The following ADGRG4 variants were observed in gnomAD, a reference collection of about 807,000 sequenced individuals.
ADGRG4 encodes G protein-coupled receptor 112.
A neutral mutation model predicts 126.2 loss-of-function variants in ADGRG4; 122 were observed. The ratio of observed to expected loss-of-function variants is 0.97; its 90% CI spans 0.83 to 1.12. The LOEUF (loss-of-function observed/expected upper bound fraction) is 1.12, where lower values mean the gene tolerates loss of function less well. ADGRG4 is among the 50% of genes most tolerant of loss of function. ADGRG4 has a pLI of 0.00. For missense variants in ADGRG4, 2,481 were observed against 2,251.8 expected (o/e 1.10, Z -2.06); for synonymous variants, 943 against 838.7 (o/e 1.12, Z -2.15).
Position 136,384,299 on chromosome X carries a change from T to A in ADGRG4, c.7777-3441T>A, listed in dbSNP as rs1481248302. Among the ~76,000 whole-genome samples the A allele has an allele frequency of 2.7e-5, 3 of 111,382 alleles. No homozygotes were observed. In the South Asian group the frequency reaches 1.1e-3, roughly 42 times the overall value. On this transcript the variant is annotated intron_variant, in intron 15 of 25. Coordinates refer to ENST00000394143, the MANE Select transcript of ADGRG4 (RefSeq NM_153834.4). ...CTACTTAGAGTTAATATTGTACTGC[T>A]TCATGTAAAATGTAGAAACTTTAAA... is the stretch of plus-strand genomic sequence containing the variant.
intron 13 of ADGRG4, among the ~76,000 whole-genome samples, chrX:136,370,622 T>A (rs1445968659): frequency 8.9e-6 from 1 of 112,051 alleles, no homozygotes; most frequent in East Asian, 2.8e-4. Context: ...GATATCATAT[T>A]CAGGACTCAC....
chrX:136,342,922 G>GAC (rs2074988588), intron 5 of ADGRG4, among the ~76,000 whole-genome samples: 1 of 76,072 alleles, frequency 1.3e-5, no homozygotes, highest in Non-Finnish European at 2.4e-5. Context: ...GTGTGTGTGT[G>GAC]AGAGAGAGAG....
chrX:136,405,870 C>G lies in ADGRG4; in HGVS notation c.8833C>G (p.Leu2945Val), dbSNP rs1441602996. Residue 2945 changes from leucine (L) to valine (V), a missense_variant, in exon 23 of 26, where the codon CTG (leucine) becomes GTG (valine). Transcript: ENST00000394143. ...GCATGACCTCAAAGGCACAATGAGC[C>G]TGACATTCTTACTTGGCCTCACCTG... ...ILHDLKGTMS[L>V]TFLLGLTWGF... 1.7e-6 allele frequency: 2 copies of G among 1,204,457 alleles called. No homozygotes were observed. The highest frequency in any genetic ancestry group is 4.4e-5 in the Admixed American group (2 of 45,323).
chrX:136,369,932 A>G (rs2075182697), intron 13 of ADGRG4, among the ~76,000 whole-genome samples: 1 of 111,355 alleles, frequency 9.0e-6, no homozygotes, highest in Non-Finnish European at 1.9e-5. Context: ...CTTAATTTAC[A>G]TTGATGAGAA....
At chrX:136,370,631 A>G (rs988865348) in intron 13 of ADGRG4, among the ~76,000 whole-genome samples, 2 of 112,127 alleles carry the variant, frequency 1.8e-5, no homozygotes, top group Middle Eastern at 4.6e-3. Context: ...TTCAGGACTC[A>G]CTTTGAAATA....
At position 136,345,642 on chromosome X, in the gene ADGRG4, G is replaced by T; in HGVS notation, c.1936G>T (p.Ala646Ser). Reference sequence around the variant, plus strand: ...TCCCACATCCACAACTGATGAAGCTGCCCATCTGTTCTCCAGCAATGAGAC... The same window carrying T: ...TCCCACATCCACAACTGATGAAGCTTCCCATCTGTTCTCCAGCAATGAGAC... ...SGPTSTTDEA[A>S]HLFSSNETIW... The change falls in exon 6 of 26, where the codon GCC becomes TCC. Residue 646 changes from alanine to serine, a missense_variant. Ala to Ser is a moderately conservative substitution (Grantham distance 99, BLOSUM62 1). Coordinates refer to ENST00000394143, the MANE Select transcript of ADGRG4 (RefSeq NM_153834.4). 8.3e-7 allele frequency: 1 copy of T among 1,210,553 alleles called. No homozygotes were observed.
chrX:136,392,365 T>C lies in ADGRG4; in HGVS notation c.8034+11T>C. On this transcript the variant is annotated intron_variant, in intron 17 of 25. Transcript: ENST00000394143. ...ATTGGAGGAAACCAGGTAATATATC[T>C]ATTTTCAGCTCAGAATCAAATGGCC... 5 of 1,138,302 alleles carry C rather than the reference T, an allele frequency of 4.4e-6. No homozygotes were observed. The highest frequency in any genetic ancestry group is 5.9e-6 in the Non-Finnish European group (5 of 852,755). 93.8% of individuals were successfully genotyped at this position (1,138,302 alleles called of 1,213,427 possible).
At chrX:136,403,926 C>A (rs746201881) in intron 22 of ADGRG4, among the ~76,000 whole-genome samples, 2 of 111,551 alleles carry the variant, frequency 1.8e-5, no homozygotes, top group African/African-American at 6.5e-5. Context: ...CACTTCACCC[C>A]ACCTCTCCAG....
chrX:136,303,655 T>C (rs1192271333), intron 1 of ADGRG4, among the ~76,000 whole-genome samples: 1 of 112,156 alleles, frequency 8.9e-6, no homozygotes, highest in Non-Finnish European at 1.9e-5. Context: ...TGGGTGGTAG[T>C]TTTTAAGTTG....
intron 13 of ADGRG4, 71 bp from the exon 14 acceptor site, chrX:136,371,256 AG>A: frequency 1.4e-6 from 1 of 690,690 alleles, no homozygotes; most frequent in African/African-American, 2.2e-5. Context: ...TACTCTTTAA[AG>A]GGAAAGAAGC....
chrX:136,339,219 G>A (rs1196112973), intron 5 of ADGRG4, among the ~76,000 whole-genome samples: 2 of 111,547 alleles, frequency 1.8e-5, no homozygotes, highest in African/African-American at 3.3e-5. Flanking sequence ...CTCTGGGTGA[G>A]GGAAGAGAAT....
At position 136,413,043 on chromosome X, in the gene ADGRG4, C is replaced by T. The variant is rs191402949; in HGVS notation, c.9037+677C>T. 7.1e-5 allele frequency among the ~76,000 whole-genome samples: 5 copies of T among 69,964 alleles called. No individual in the cohort carries two copies. The East Asian group carries it at 3.4e-3, about 48-fold the overall frequency. The allele number at this position is 69,964 out of a possible 115,157, so 60.8% of individuals were successfully genotyped here. A position where few individuals can be genotyped will look rare whatever the true frequency, so the allele number is the denominator to read the frequency against. On this transcript the variant is annotated intron_variant, in intron 24 of 25. Transcript: ENST00000394143. Reference sequence around the variant, plus strand: ...AAGTAGCACTGAGATTCCCCCCATTCCCCACTTTATTTTATTTTTTTTCTT... The same window carrying T: ...AAGTAGCACTGAGATTCCCCCCATTTCCCACTTTATTTTATTTTTTTTCTT...
rs752093625 is a variant in ADGRG4 at position 136,348,871 on chromosome X, C to T, written c.5165C>T (p.Thr1722Ile). 1.7e-6 allele frequency: 2 copies of T among 1,205,144 alleles called. No individual in the cohort carries two copies. Among genetic ancestry groups the T allele is most frequent in the South Asian group, 3.5e-5 (2 of 56,622 alleles). The change falls in exon 6 of 26, where the codon ACT (threonine) becomes ATT (isoleucine). Residue 1722 changes from threonine to isoleucine, a missense_variant. Transcript: ENST00000394143. Reference sequence around the variant, plus strand: ...ACTTTGGGCATATTATCTGGGATTACTAACAGGTCCCTATCTACTGTGAAC... The same window carrying T: ...ACTTTGGGCATATTATCTGGGATTATTAACAGGTCCCTATCTACTGTGAAC... The part of the protein sequence containing the change: ...ATTLGILSGI[T>I]NRSLSTVNSG...
At chrX:136,301,162 A>C (rs1409861654) in intron 1 of ADGRG4, among the ~76,000 whole-genome samples, 162 bp downstream of exon 1, 1 of 112,200 alleles carries the variant, frequency 8.9e-6, no homozygotes, top group Non-Finnish European at 1.9e-5. Context: ...GAATTGCCAC[A>C]CTGTCTTCCA....
chrX:136,349,976 G>T lies in ADGRG4; in HGVS notation c.6270G>T (p.Met2090Ile), dbSNP rs2075050052. 1.7e-6 allele frequency: 2 copies of T among 1,209,183 alleles called. No individual in the cohort carries two copies. The highest frequency in any genetic ancestry group is 2.2e-6 in the Non-Finnish European group (2 of 893,691). Residue 2090 changes from methionine (M) to isoleucine (I), a missense_variant, in exon 6 of 26, where the codon ATG (methionine) becomes ATT (isoleucine). Met to Ile is a conservative substitution (Grantham distance 10). Coordinates refer to ENST00000394143, the MANE Select transcript of ADGRG4 (RefSeq NM_153834.4). ...CTGGCTTCCCAACTTCTCTCCCTAT[G>T]TCTATAAATGTCACAGATGACATTG... ...ITTGFPTSLPMSINVTDDIVY... is the reference protein window; with the variant it reads ...ITTGFPTSLPISINVTDDIVY...
chrX:136,393,684 A>G, intron 18 of ADGRG4, 104 bp downstream of exon 18: 1 of 542,734 alleles, frequency 1.8e-6, no homozygotes, highest in Non-Finnish European at 3.1e-6. Context: ...ATCAGACCCT[A>G]CAGAGCATTC....
At chrX:136,365,837 A>G (rs1029183658) in intron 13 of ADGRG4, among the ~76,000 whole-genome samples, 1 of 111,537 alleles carries the variant, frequency 9.0e-6, no homozygotes, top group Non-Finnish European at 1.9e-5. Context: ...TATCTTTGTC[A>G]GTCTAGCCAA....
chrX:136,347,168 T>G lies in ADGRG4; in HGVS notation c.3462T>G (p.Pro1154=). The G allele has an allele frequency of 8.3e-7, 1 of 1,210,951 alleles. No homozygotes were observed. The highest frequency in any genetic ancestry group is 1.1e-6 in the Non-Finnish European group (1 of 895,120). Residue 1154 remains proline (P), a synonymous_variant, in exon 6 of 26, where the codon CCT becomes CCG. Transcript: ENST00000394143. ...VCSKPPPDNI[P]PASSTHVIST... ...CAAAACCTCCCCCTGACAACATTCC[T>G]CCTGCGTCCTCCACTCATGTGATCT...
chrX:136,347,808 C>A lies in ADGRG4; in HGVS notation c.4102C>A (p.Gln1368Lys), dbSNP rs769564171. The change falls in exon 6 of 26, where the codon CAA (glutamine) becomes AAA (lysine). Residue 1368 changes from glutamine (Q) to lysine (K), a missense_variant. Physicochemically the swap from Gln to Lys is moderately conservative, Grantham distance 53 (BLOSUM62 1). Coordinates refer to ENST00000394143, the MANE Select transcript of ADGRG4 (RefSeq NM_153834.4). ...TSLGKTALPS[Q>K]ALTITTFLCP... ...TCTTGGGAAAACAGCTCTCCCCTCA[C>A]AAGCTCTGACAATCACCACTTTTTT... 8.3e-7 allele frequency: 1 copy of A among 1,208,892 alleles called. No individual in the cohort carries two copies. Among genetic ancestry groups the A allele is most frequent in the East Asian group, 3.0e-5 (1 of 33,793 alleles).
Sources: gnomAD v4.1 joint callset for allele counts (sites outside exome capture counted in the v4.1 genomes callset) on GRCh38, gnomAD v4.1.1 for gene constraint, MANE v1.5 for transcripts, NCBI Gene and HGNC (gene_info 2026-07-23, HGNC 2026-07-21) for gene names.